Variants in ST6GAL1 observed in about 807,000 individuals in gnomAD.
ST6GAL1 encodes the protein ST6 beta-galactoside alpha-2,6-sialyltransferase 1, also known as beta-galactoside alpha-2,6-sialyltransferase 1.
Under a neutral mutation model 38.0 loss-of-function variants are expected in ST6GAL1, and 20 were observed. The ratio of observed to expected loss-of-function variants is 0.53; its 90% CI spans 0.37 to 0.77. The LOEUF (loss-of-function observed/expected upper bound fraction) is 0.77. Among genes scored for constraint, ST6GAL1 ranks in the 30% least tolerant of loss-of-function variants. The probability of loss-of-function intolerance (pLI) is 0.00; values close to 1 mark genes in which losing one functional copy is unlikely to be tolerated. For missense variants in ST6GAL1, 432 were observed against 496.4 expected, an observed-to-expected ratio of 0.87 and a Z score of 1.23; for synonymous variants, 196 against 188.2, an observed-to-expected ratio of 1.04 and a Z score of -0.34.
chr3:187,070,985 A>G (rs2108603237), intron 5 of ST6GAL1, among the ~76,000 whole-genome samples: 1 of 152,326 alleles, frequency 6.6e-6, no homozygotes, highest in East Asian at 1.9e-4. Flanking sequence ...GAACTTCCTT[A>G]CATCTGTAGG....
chr3:186,976,521 C>T (rs1020965553), intron 2 of ST6GAL1, among the ~76,000 whole-genome samples: 3 of 152,264 alleles, frequency 2.0e-5, no homozygotes, highest in Non-Finnish European at 4.4e-5. Flanking sequence ...CCTCCATCTC[C>T]CGGGTTCAAG....
intron 1 of ST6GAL1, among the ~76,000 whole-genome samples, chr3:186,958,227 G>A (rs1333662384): frequency 6.6e-6 from 1 of 152,078 alleles, no homozygotes; most frequent in Non-Finnish European, 1.5e-5. Context: ...TACATGAAAG[G>A]AATTAATTGT....
intron 2 of ST6GAL1, among the ~76,000 whole-genome samples, chr3:186,989,661 A>G (rs1716084381): frequency 6.6e-6 from 1 of 152,234 alleles, no homozygotes; most frequent in South Asian, 2.1e-4. Flanking sequence ...TTGGATGCAA[A>G]GCTAATGATT....
chr3:186,940,787 T>TG (rs1714141128), intron 1 of ST6GAL1, among the ~76,000 whole-genome samples: 1 of 151,736 alleles, frequency 6.6e-6, no homozygotes, highest in African/African-American at 2.4e-5. Context: ...GTCAGTGTTT[T>TG]TTTTTTTTTT....
intron 2 of ST6GAL1, among the ~76,000 whole-genome samples, chr3:186,970,912 TA>T (rs1395613104): frequency 5.3e-5 from 8 of 152,250 alleles, no homozygotes; most frequent in Non-Finnish European, 1.0e-4. Flanking sequence ...TTCTCTGATA[TA>T]AATGCCGAGG....
intron 1 of ST6GAL1, among the ~76,000 whole-genome samples, chr3:186,941,862 A>G (rs1045742282): frequency 6.6e-6 from 1 of 152,118 alleles, no homozygotes; most frequent in African/African-American, 2.4e-5. Flanking sequence ...AATACAAAAA[A>G]TTAGCCCGGC....
rs1208739712 is a variant in ST6GAL1 at position 187,042,807 on chromosome 3, A to G, written c.104A>G (p.Tyr35Cys). 3 of 1,614,222 alleles carry G rather than the reference A, an allele frequency of 1.9e-6. No individual in the cohort carries two copies. Among genetic ancestry groups the G allele is most frequent in the Non-Finnish European group, 8.5e-7 (1 of 1,180,042 alleles). ...AAGGAAAAGAAGAAAGGGAGTTACT[A>G]TGATTCCTTTAAATTGCAAACCAAG... ...VWKEKKKGSY[Y>C]DSFKLQTKEF... Residue 35 changes from tyrosine to cysteine, a missense_variant, in exon 4 of 8, where the codon TAT (tyrosine) becomes TGT (cysteine). Physicochemically the swap from Tyr to Cys is radical, Grantham distance 194. Transcript: ENST00000169298.
chr3:186,951,300 G>A (rs1187110243), intron 1 of ST6GAL1, among the ~76,000 whole-genome samples: 4 of 152,150 alleles, frequency 2.6e-5, no homozygotes, highest in East Asian at 1.9e-4. Context: ...CAGGCAATCC[G>A]CCCACATCGG....
In ST6GAL1 at chr3:187,078,143, G is replaced by A. The variant is rs1579392800; in HGVS notation, c.*2340G>A. ...TACATGTTGGTGTGAAGACTGGGAC[G>A]ACACTGGGTAGAATCTAGTTTTTAA... On this transcript the variant is annotated 3_prime_UTR_variant, in exon 8 of 8. Transcript: ENST00000169298. The A allele has an allele frequency of 1.3e-5, 2 of 152,540 alleles. No homozygotes were observed. Among genetic ancestry groups the A allele is most frequent in the East Asian group, 1.9e-4 (1 of 5,190 alleles). The allele number at this position is 152,540 out of a possible 1,614,324, so 9.4% of individuals were successfully genotyped here.
intron 5 of ST6GAL1, among the ~76,000 whole-genome samples, chr3:187,063,544 G>A (rs1231528156): frequency 6.6e-6 from 1 of 152,182 alleles, no homozygotes; most frequent in Non-Finnish European, 1.5e-5. Flanking sequence ...ATCTCTGTTT[G>A]ATACATGGAT....
chr3:186,947,502 T>C (rs1049698917), intron 1 of ST6GAL1, among the ~76,000 whole-genome samples: 6 of 152,216 alleles, frequency 3.9e-5, no homozygotes, highest in Non-Finnish European at 7.3e-5. Flanking sequence ...AAAATAATTG[T>C]ATAGGTAAAT....
At chr3:186,994,496 T>G (rs1716296506) in intron 2 of ST6GAL1, among the ~76,000 whole-genome samples, 1 of 152,200 alleles carries the variant, frequency 6.6e-6, no homozygotes, top group South Asian at 2.1e-4. Flanking sequence ...ATTCTGTATT[T>G]CATAGGTGAT....
chr3:186,973,226 G>A (rs1715409728), intron 2 of ST6GAL1, among the ~76,000 whole-genome samples: 1 of 152,082 alleles, frequency 6.6e-6, no homozygotes. Flanking sequence ...AGTAGAGACA[G>A]GGTTTCACCA....
chr3:186,955,317 CT>C (rs1226136013), intron 1 of ST6GAL1, among the ~76,000 whole-genome samples: 4 of 151,970 alleles, frequency 2.6e-5, no homozygotes, highest in African/African-American at 9.7e-5. Context: ...TATATGGACT[CT>C]TTTTTGGTTC....
rs1460870059 is a variant in ST6GAL1 at position 187,042,755 on chromosome 3, C to T, written c.52C>T (p.Leu18Phe). ...GTTCAGCTGCTGCGTCCTGGTCTTT[C>T]TTCTGTTTGCAGTCATCTGTGTGTG... is the stretch of plus-strand genomic sequence containing the variant. ...KKFSCCVLVFLLFAVICVWKE... is the reference protein window; with the variant it reads ...KKFSCCVLVFFLFAVICVWKE... The change falls in exon 4 of 8, where the codon CTT becomes TTT. Residue 18 changes from leucine (L) to phenylalanine (F), a missense_variant. Physicochemically the swap from Leu to Phe is conservative, Grantham distance 22. Coordinates refer to ENST00000169298, the MANE Select transcript of ST6GAL1 (RefSeq NM_173216.2). 7 of 1,613,982 alleles carry T rather than the reference C, an allele frequency of 4.3e-6. No individual in the cohort carries two copies. Among genetic ancestry groups the T allele is most frequent in the Middle Eastern group, 1.6e-4 (1 of 6,084 alleles).
chr3:187,004,124 G>A (rs1403723900), intron 2 of ST6GAL1, among the ~76,000 whole-genome samples: 1 of 152,164 alleles, frequency 6.6e-6, no homozygotes, highest in Non-Finnish European at 1.5e-5. Context: ...CCCCACCACT[G>A]CCTCTTGCTT....
rs1719625009 is a variant in ST6GAL1, at chr3:187,078,151, G to A, written c.*2348G>A. 1 of 152,522 alleles carries A rather than the reference G, an allele frequency of 6.6e-6. No individual in the cohort carries two copies. The highest frequency in any genetic ancestry group is 2.4e-5 in the African/African-American group (1 of 41,418). 9.4% of individuals were successfully genotyped at this position (152,522 alleles called of 1,614,324 possible). A position where few individuals can be genotyped will look rare whatever the true frequency, so the allele number is the denominator to read the frequency against. On this transcript the variant is annotated 3_prime_UTR_variant, in exon 8 of 8. Coordinates refer to ENST00000169298, the MANE Select transcript of ST6GAL1 (RefSeq NM_173216.2). Reference sequence around the variant, plus strand: ...GGTGTGAAGACTGGGACGACACTGGGTAGAATCTAGTTTTTAATTATTATT... The same window carrying A: ...GGTGTGAAGACTGGGACGACACTGGATAGAATCTAGTTTTTAATTATTATT...
At chr3:187,006,906 G>A (rs2108556170) in intron 2 of ST6GAL1, among the ~76,000 whole-genome samples, 1 of 152,302 alleles carries the variant, frequency 6.6e-6, no homozygotes, top group East Asian at 1.9e-4. Context: ...CTAGCTGGGA[G>A]AAAAAGGATG....
At chr3:186,985,658 C>T (rs1715891012) in intron 2 of ST6GAL1, among the ~76,000 whole-genome samples, 1 of 151,166 alleles carries the variant, frequency 6.6e-6, no homozygotes, top group African/African-American at 2.4e-5. Context: ...GCCTATAGTC[C>T]CAGCTACTCA....
Sources: gnomAD v4.1 joint callset for allele counts (sites outside exome capture counted in the v4.1 genomes callset) on GRCh38, gnomAD v4.1.1 for gene constraint, MANE v1.5 for transcripts, NCBI Gene and HGNC (gene_info 2026-07-23, HGNC 2026-07-21) for gene names.